Variants in BABAM1 observed in about 807,000 individuals in gnomAD.
The protein encoded by BABAM1 is BRISC and BRCA1 A complex member 1, also known as BRISC and BRCA1-A complex member 1.
BABAM1 carries 14 observed loss-of-function variants against 34.4 expected under a neutral mutation model. The ratio of observed to expected loss-of-function variants is 0.41; its 90% CI spans 0.27 to 0.64. The LOEUF (loss-of-function observed/expected upper bound fraction) is 0.64. Ranked by LOEUF, BABAM1 falls within the 30% of genes least tolerant of loss-of-function variation. The pLI, the probability that BABAM1 is intolerant of heterozygous loss-of-function variation, is 0.34. For synonymous variants in BABAM1, 169 were observed against 165.8 expected (o/e 1.02, Z -0.15); for missense variants, 393 against 434.0 (o/e 0.91, Z 0.84).
chr19:17,270,359 A>T (rs925758747), intron 2 of BABAM1, among the ~76,000 whole-genome samples: 3 of 151,070 alleles, frequency 2.0e-5, no homozygotes, highest in Non-Finnish European at 3.0e-5. Flanking sequence ...TCTTTGCCTA[A>T]TTCTGTCCAG....
At chr19:17,273,559 G>GTTTTTTTTTT (rs1252906493) in intron 3 of BABAM1, among the ~76,000 whole-genome samples, 8 of 24,610 alleles carry the variant, frequency 3.3e-4, no homozygotes, top group Non-Finnish European at 3.4e-4. Context: ...TTTTTTGTTT[G>GTTTTTTTTTT]TTTTGTTTTT....
Position 17,274,041 on chromosome 19 carries a change from C to T in BABAM1, c.465+17C>T, listed in dbSNP as rs754549575. ...ACGGCCTGGGTGAGGCTGCGGCAGG[C>T]GCTGGGTGCCCTGGGGTCCCCTGGG... On this transcript the variant is annotated intron_variant, in intron 4 of 8. Transcript: ENST00000598188. 5 of 1,613,756 alleles carry T rather than the reference C, an allele frequency of 3.1e-6. No homozygotes were observed. The highest frequency in any genetic ancestry group is 4.5e-5 in the East Asian group (2 of 44,880).
intron 2 of BABAM1, among the ~76,000 whole-genome samples, chr19:17,271,249 C>G (rs778463435): frequency 1.4e-4 from 21 of 152,246 alleles, no homozygotes; most frequent in Non-Finnish European, 2.4e-4. Flanking sequence ...CTTGCCCTCC[C>G]TAAGTGCTGG....
rs1274542143 is a variant in BABAM1, at chr19:17,279,152, G to A, written c.*104G>A. Reference sequence around the variant, plus strand: ...GGACCTCCGGGGTGGGGGGGTTCCAGGAGGCACGTAGGGTACCTTGCAGGG... The same window carrying A: ...GGACCTCCGGGGTGGGGGGGTTCCAAGAGGCACGTAGGGTACCTTGCAGGG... On this transcript the variant is annotated 3_prime_UTR_variant, in exon 9 of 9. Coordinates refer to ENST00000598188, the MANE Select transcript of BABAM1 (RefSeq NM_014173.4). The A allele has an allele frequency of 3.8e-5, 48 of 1,252,988 alleles. No individual in the cohort carries two copies. The highest frequency in any genetic ancestry group is 5.3e-5 in the Non-Finnish European group (48 of 903,362). 77.6% of individuals were successfully genotyped at this position (1,252,988 alleles called of 1,614,324 possible).
intron 2 of BABAM1, 117 bp downstream of exon 2, chr19:17,269,208 A>G (rs1410437495): frequency 1.6e-6 from 2 of 1,254,434 alleles, no homozygotes; most frequent in Admixed American, 6.0e-5. Context: ...GCCACAAGTC[A>G]CCGTGGACTT....
intron 6 of BABAM1, chr19:17,276,236 G>A (rs1262815881): frequency 2.4e-5 from 13 of 547,146 alleles, no homozygotes; most frequent in Non-Finnish European, 2.6e-5. Flanking sequence ...TTGAGAGGCC[G>A]AGGCAGGAGA....
chr19:17,276,931 G>A, intron 8 of BABAM1, 22 bp downstream of exon 8: 1 of 1,572,508 alleles, frequency 6.4e-7, no homozygotes, highest in East Asian at 2.3e-5. Flanking sequence ...CAGCAGGTGT[G>A]AGTAGCAGGC....
At chr19:17,278,746 A>T in intron 8 of BABAM1, 99 bp from the exon 9 acceptor site, 1 of 1,195,060 alleles carries the variant, frequency 8.4e-7, no homozygotes, top group Non-Finnish European at 1.2e-6. Flanking sequence ...AACCCACCCC[A>T]GATGTCCCCT....
chr19:17,270,092 G>A (rs1369436232), intron 2 of BABAM1, among the ~76,000 whole-genome samples: 3 of 151,984 alleles, frequency 2.0e-5, no homozygotes, highest in Non-Finnish European at 2.9e-5. Context: ...TACTACGCCT[G>A]GCTAATTTTT....
chr19:17,268,916 G>A lies in BABAM1; in HGVS notation c.110G>A (p.Arg37Gln), dbSNP rs749106548. The change falls in exon 2 of 9, where the codon CGG (arginine) becomes CAG (glutamine). Residue 37 changes from arginine to glutamine, a missense_variant. By Grantham distance (43) the Arg-to-Gln change is conservative. Coordinates refer to ENST00000598188, the MANE Select transcript of BABAM1 (RefSeq NM_014173.4). ...TCCAATCCTGAAGGGGCTGAGGACC[G>A]GGCAGTAGGGGCACAGGCCAGCGTG... ...TRSNPEGAED[R>Q]AVGAQASVGS... 3 of 1,579,598 alleles carry A rather than the reference G, an allele frequency of 1.9e-6. No homozygotes were observed. The highest frequency in any genetic ancestry group is 1.2e-5 in the South Asian group (1 of 86,842).
intron 6 of BABAM1, among the ~76,000 whole-genome samples, chr19:17,276,173 C>T (rs1449941825): frequency 6.6e-6 from 1 of 152,094 alleles, no homozygotes; most frequent in Admixed American, 6.6e-5. Flanking sequence ...ATGGTGAAAC[C>T]GCGTCTCTAC....
rs1368423794 is a variant in BABAM1, at chr19:17,269,105, G to A, written c.285+14G>A. ...CCAGAGAAAGTGGTAAGTAGAGGGGGTGGCCTGGGGCTCTGAGATGCTAGG... is the reference window on the plus strand; with the variant it reads ...CCAGAGAAAGTGGTAAGTAGAGGGGATGGCCTGGGGCTCTGAGATGCTAGG... On this transcript the variant is annotated intron_variant, in intron 2 of 8. Transcript: ENST00000598188. 3 of 1,582,774 alleles carry A rather than the reference G, an allele frequency of 1.9e-6. No homozygotes were observed. The highest frequency in any genetic ancestry group is 2.6e-6 in the Non-Finnish European group (3 of 1,162,992).
In BABAM1 at chr19:17,271,582, C is replaced by G; in HGVS notation, c.286-15C>G. The G allele has an allele frequency of 6.2e-7, 1 of 1,613,352 alleles. No individual in the cohort carries two copies. Among genetic ancestry groups the G allele is most frequent in the Non-Finnish European group, 8.5e-7 (1 of 1,179,616 alleles). Reference sequence around the variant, plus strand: ...AAGGTCAGAGGACGCTCACCACCCTCCAACTACCTTGCAGATTATCTGCCT... The same window carrying G: ...AAGGTCAGAGGACGCTCACCACCCTGCAACTACCTTGCAGATTATCTGCCT... On this transcript the variant is annotated splice_polypyrimidine_tract_variant and intron_variant, in intron 2 of 8. Transcript: ENST00000598188.
At chr19:17,269,646 T>G (rs1297973408) in intron 2 of BABAM1, among the ~76,000 whole-genome samples, 1 of 152,096 alleles carries the variant, frequency 6.6e-6, no homozygotes, top group African/African-American at 2.4e-5. Flanking sequence ...CCACTCTGCC[T>G]GACCCTTTCT....
chr19:17,268,718 C>G, intron 1 of BABAM1, 76 bp from the exon 2 acceptor site: 1 of 1,424,456 alleles, frequency 7.0e-7, no homozygotes, highest in Non-Finnish European at 9.2e-7. Flanking sequence ...CATGAGCCAC[C>G]GTGCCCGACC....
chr19:17,276,551 A>G lies in BABAM1; in HGVS notation c.626A>G (p.Tyr209Cys), dbSNP rs1599499601. 10 of 1,605,682 alleles carry G rather than the reference A, an allele frequency of 6.2e-6. No individual in the cohort carries two copies. The highest frequency in any genetic ancestry group is 7.7e-6 in the Non-Finnish European group (9 of 1,176,376). ...AACGTGCAGACGATTCCCCCGCCAT[A>G]TGTGGTCCGCACCATCCTTGTCTAC... Reference protein sequence around the residue: ...TENVQTIPPPYVVRTILVYSR... With the variant: ...TENVQTIPPPCVVRTILVYSR... The change falls in exon 7 of 9, where the codon TAT becomes TGT. Residue 209 changes from tyrosine to cysteine, a missense_variant. Tyr to Cys is a radical substitution (Grantham distance 194). Transcript: ENST00000598188.
rs2073802924 is a variant in BABAM1, at chr19:17,268,881, C to A, written c.75C>A (p.Pro25=). The part of the protein sequence containing the change: ...EEEEHSAEPR[P]RTRSNPEGAE... Reference sequence around the variant, plus strand: ...AGGAGCACTCGGCAGAGCCTCGGCCCCGCACTCGCTCCAATCCTGAAGGGG... The same window carrying A: ...AGGAGCACTCGGCAGAGCCTCGGCCACGCACTCGCTCCAATCCTGAAGGGG... Residue 25 remains proline, a synonymous_variant, in exon 2 of 9, where the codon CCC becomes CCA. Coordinates refer to ENST00000598188, the MANE Select transcript of BABAM1 (RefSeq NM_014173.4). The A allele has an allele frequency of 1.3e-6, 2 of 1,597,550 alleles. No individual in the cohort carries two copies. The highest frequency in any genetic ancestry group is 1.7e-6 in the Non-Finnish European group (2 of 1,172,880).
At chr19:17,274,059 C>A (rs1391801614) in intron 4 of BABAM1, 35 bp downstream of exon 4, 1 of 1,613,694 alleles carries the variant, frequency 6.2e-7, no homozygotes. Flanking sequence ...GCCCTGGGGT[C>A]CCCTGGGGCC....
chr19:17,277,912 C>G (rs1161995524), intron 8 of BABAM1, among the ~76,000 whole-genome samples: 2 of 151,294 alleles, frequency 1.3e-5, no homozygotes, highest in South Asian at 4.2e-4. Context: ...TGTGGTGGCT[C>G]ACACCTGTAA....
Sources: allele counts gnomAD v4.1 joint callset (sites outside exome capture counted in the v4.1 genomes callset), GRCh38; gene constraint gnomAD v4.1.1; transcripts MANE v1.5; gene names NCBI Gene and HGNC (gene_info 2026-07-23, HGNC 2026-07-21).